Variants in ANK3 observed in about 807,000 individuals in gnomAD.
The protein encoded by ANK3 is ankyrin 3.
In ANK3, 57 loss-of-function variants were observed where a neutral mutation model predicts 370.9. The observed-to-expected ratio is 0.15, with a 90% confidence interval of 0.12 to 0.19. The LOEUF (loss-of-function observed/expected upper bound fraction) is 0.19. Among genes scored for constraint, ANK3 ranks in the 10% least tolerant of loss-of-function variants. ANK3 has a pLI of 1.00. For synonymous variants in ANK3, 1,929 were observed against 1,946.3 expected (o/e 0.99, Z 0.23); for missense variants, 4,439 against 5,302.1 (o/e 0.84, Z 5.06).
At chr10:60,479,593 T>C (rs2075158138) in intron 2 of ANK3, among the ~76,000 whole-genome samples, 1 of 152,192 alleles carries the variant, frequency 6.6e-6, no homozygotes, top group South Asian at 2.1e-4. Flanking sequence ...TACAGAATTA[T>C]ATGTCAGCTA....
chr10:60,211,704 G>T (rs890738650), intron 9 of ANK3, among the ~76,000 whole-genome samples: 1 of 151,940 alleles, frequency 6.6e-6, no homozygotes, highest in African/African-American at 2.4e-5. Flanking sequence ...AAAGGTTGGT[G>T]GATTTGTCTC....
chr10:60,175,937 A>G (rs987117026), intron 18 of ANK3, among the ~76,000 whole-genome samples: 9 of 152,218 alleles, frequency 5.9e-5, no homozygotes, highest in Admixed American at 5.9e-4. Flanking sequence ...AGTGTCTGAC[A>G]CATAGGGTTA....
intron 2 of ANK3, among the ~76,000 whole-genome samples, chr10:60,469,686 T>TATATATATATATATATATATGGTG (rs2065166423): frequency 1.8e-5 from 2 of 113,780 alleles, no homozygotes; most frequent in Non-Finnish European, 3.6e-5. Context: ...TATATGGTGG[T>TATATATATATATATATATATGGTG]ATATATATAT....
chr10:60,682,795 A>G (rs1292859022), intron 1 of ANK3, among the ~76,000 whole-genome samples: 1 of 152,188 alleles, frequency 6.6e-6, no homozygotes, highest in Admixed American at 6.5e-5. Flanking sequence ...ACCTGGCCCT[A>G]TGCATGTTTC....
At chr10:60,724,282 C>A (rs1193907842) in intron 1 of ANK3, among the ~76,000 whole-genome samples, 1 of 148,320 alleles carries the variant, frequency 6.7e-6, no homozygotes, top group Non-Finnish European at 1.5e-5. Flanking sequence ...CCCTGCTGAT[C>A]TACGGTGGAC....
chr10:60,709,827 CAAA>C (rs370504421), intron 1 of ANK3, among the ~76,000 whole-genome samples: 1 of 71,460 alleles, frequency 1.4e-5, no homozygotes. Flanking sequence ...GACCCCATCT[CAAA>C]AAAAAAAAAA....
intron 1 of ANK3, among the ~76,000 whole-genome samples, chr10:60,629,842 CT>C (rs1328538134): frequency 1.3e-5 from 2 of 151,974 alleles, no homozygotes; most frequent in African/African-American, 2.4e-5. Flanking sequence ...CAGACTCATA[CT>C]TTTTTATGAA....
intron 2 of ANK3, among the ~76,000 whole-genome samples, chr10:60,439,219 T>C (rs542608525): frequency 7.2e-5 from 11 of 152,238 alleles, no homozygotes; most frequent in African/African-American, 2.4e-4. Context: ...AAGATGTGGC[T>C]CCACTGTAAA....
At chr10:60,092,917 G>A (rs886682254) in intron 28 of ANK3, among the ~76,000 whole-genome samples, 6 of 152,156 alleles carry the variant, frequency 3.9e-5, no homozygotes, top group African/African-American at 1.2e-4. Flanking sequence ...TGTATTTTTA[G>A]TAGAGATGGG....
chr10:60,284,732 A>G (rs1007435518), intron 1 of ANK3, among the ~76,000 whole-genome samples: 16 of 152,046 alleles, frequency 1.1e-4, no homozygotes, highest in Non-Finnish European at 1.5e-5. Flanking sequence ...CACCTGAAAA[A>G]ATGCAGACTG....
chr10:60,670,520 G>T (rs915232399), intron 1 of ANK3, among the ~76,000 whole-genome samples: 1 of 151,948 alleles, frequency 6.6e-6, no homozygotes, highest in Non-Finnish European at 1.5e-5. Flanking sequence ...TTGGATTACT[G>T]CAATAGGTTT....
At chr10:60,438,282 A>G (rs2064208585) in intron 2 of ANK3, among the ~76,000 whole-genome samples, 1 of 152,078 alleles carries the variant, frequency 6.6e-6, no homozygotes, top group African/African-American at 2.4e-5. Flanking sequence ...TATGTATTGA[A>G]GAGTGAGGCT....
At position 60,207,570 on chromosome 10, in the gene ANK3, G is replaced by A. The variant is rs116231512; in HGVS notation, c.1194+466C>T. ...TGGACCAAAATTCTGATTGGCAAAC[G>A]GAAACAGAAGATTACAGGCAATATT... On this transcript the variant is annotated intron_variant, in intron 10 of 43. Transcript: ENST00000280772. Among the ~76,000 whole-genome samples the A allele has an allele frequency of 3.8e-3, 579 of 152,162 alleles. 6 individuals carry two copies. The highest frequency in any genetic ancestry group is 0.013 in the African/African-American group (549 of 41,522).
intron 39 of ANK3, among the ~76,000 whole-genome samples, chr10:60,063,788 C>T (rs1186076897): frequency 6.6e-6 from 1 of 152,282 alleles, no homozygotes; most frequent in Non-Finnish European, 1.5e-5. Context: ...TCCTGTCTTC[C>T]CTCTCTGCAC....
chr10:60,584,941 T>C (rs10821797), intron 2 of ANK3, among the ~76,000 whole-genome samples: 71,605 of 152,006 alleles, frequency 0.47, 17,276 homozygotes, highest in Middle Eastern at 0.52. Context: ...AAGGTCACTA[T>C]GTGGCTCTGG....
chr10:60,063,246 A>G lies in ANK3; in HGVS notation c.12460T>C (p.Leu4154=), dbSNP rs2080955556. The G allele has an allele frequency of 6.2e-7, 1 of 1,607,366 alleles. No homozygotes were observed. Among genetic ancestry groups the G allele is most frequent in the South Asian group, 1.1e-5 (1 of 89,126 alleles). ...RDGKNATTDA[L]TSVLTKINRI... ...TTAATTTTTGTCAAGACCGAAGTTA[A>G]GGCATCAGCTGAAAAGGAGAAAAAA... Residue 4154 remains leucine, a synonymous_variant, in exon 40 of 44, where the codon TTA becomes CTA. Transcript: ENST00000280772.
intron 2 of ANK3, among the ~76,000 whole-genome samples, chr10:60,500,721 G>A (rs946589242): frequency 4.6e-5 from 7 of 152,064 alleles, no homozygotes; most frequent in African/African-American, 1.7e-4. Context: ...AACCTCTATC[G>A]GTGTGATCTA....
intron 7 of ANK3, among the ~76,000 whole-genome samples, chr10:60,259,428 A>G (rs1389292974): frequency 6.6e-6 from 1 of 152,238 alleles, no homozygotes; most frequent in Non-Finnish European, 1.5e-5. Context: ...GCATTTCTGA[A>G]TCAGTGAAAA....
At chr10:60,186,968 G>T in intron 16 of ANK3, 56 bp from the exon 17 acceptor site, 1 of 1,520,862 alleles carries the variant, frequency 6.6e-7, no homozygotes, top group African/African-American at 1.4e-5. Flanking sequence ...AATGTGCACA[G>T]TGCATTTTCA....
Sources: allele counts gnomAD v4.1 joint callset (sites outside exome capture counted in the v4.1 genomes callset), GRCh38; gene constraint gnomAD v4.1.1; transcripts MANE v1.5; gene names NCBI Gene and HGNC (gene_info 2026-07-23, HGNC 2026-07-21).